The following TRIM33 variants were observed in gnomAD, a reference collection of about 807,000 sequenced individuals.
TRIM33 encodes the protein E3 ubiquitin-protein ligase TRIM33.
A neutral mutation model predicts 125.4 loss-of-function variants in TRIM33; 20 were observed. The ratio of observed to expected loss-of-function variants is 0.16; its 90% CI spans 0.11 to 0.23. TRIM33 has a LOEUF of 0.23. TRIM33 is among the 10% of genes least tolerant of loss of function. The pLI is 1.00. For missense variants in TRIM33, 920 were observed against 1,411.4 expected (o/e 0.65, Z 5.58); for synonymous variants, 564 against 513.9 (o/e 1.10, Z -1.32).
chr1:114,421,772 GAA>G (rs1289588165), intron 10 of TRIM33, 136 bp from the exon 11 acceptor site: 2 of 796,782 alleles, frequency 2.5e-6, no homozygotes, highest in Non-Finnish European at 4.0e-6. Context: ...TTCAGGAGAA[GAA>G]CAGTTCAAAC....
At chr1:114,408,854 C>A in intron 12 of TRIM33, 114 bp from the exon 13 acceptor site, 1 of 686,690 alleles carries the variant, frequency 1.5e-6, no homozygotes, top group South Asian at 1.8e-5. Context: ...TATTGGAAAT[C>A]AGACCTAGTC....
Position 114,494,013 on chromosome 1 carries a change from T to C in TRIM33, c.526+16538A>G, listed in dbSNP as rs778157361. 1.6e-4 allele frequency among the ~76,000 whole-genome samples: 24 copies of C among 152,174 alleles called. 1 individual carries two copies. Among genetic ancestry groups the C allele is most frequent in the Non-Finnish European group, 2.9e-5 (2 of 68,024 alleles). On this transcript the variant is annotated intron_variant, in intron 1 of 19. Transcript: ENST00000358465. ...CTCATTTTTCTATTTTTAGTAGAGA[T>C]GGGGTTTCACCAGGTTGGCCAGGAT...
intron 1 of TRIM33, among the ~76,000 whole-genome samples, chr1:114,475,804 T>C (rs560414172): frequency 3.3e-5 from 5 of 152,028 alleles, no homozygotes; most frequent in African/African-American, 1.2e-4. Flanking sequence ...AATAAAAGGA[T>C]CCAGCCTAGG....
intron 11 of TRIM33, among the ~76,000 whole-genome samples, chr1:114,418,847 T>C (rs1362308101): frequency 6.6e-6 from 1 of 151,968 alleles, no homozygotes; most frequent in Non-Finnish European, 1.5e-5. Flanking sequence ...CACACCCCTA[T>C]GACTGCATTC....
rs984737523 is a variant in TRIM33 at position 114,411,975 on chromosome 1, G to A, written c.2062-1659C>T. ...TTAAAAGTAAAAACACAGTCCAATA[G>A]GAAAATGAGCAAAGATATTTCACAA... On this transcript the variant is annotated intron_variant, in intron 11 of 19. Transcript: ENST00000358465. Among the ~76,000 whole-genome samples the A allele has an allele frequency of 4.6e-5, 7 of 151,982 alleles. No individual in the cohort carries two copies. In the South Asian group the frequency reaches 1.0e-3, roughly 23 times the overall value.
chr1:114,504,365 A>C (rs116844035), intron 1 of TRIM33, among the ~76,000 whole-genome samples: 1 of 152,134 alleles, frequency 6.6e-6, no homozygotes, highest in East Asian at 1.9e-4. Flanking sequence ...ACAGGGTTTC[A>C]TCATGTTACC....
rs1651413885 is a variant in TRIM33, at chr1:114,394,006, G to GA, written c.*3641dup. The GA allele has an allele frequency of 1.3e-5, 3 of 225,426 alleles. No individual in the cohort carries two copies. The highest frequency in any genetic ancestry group is 1.8e-4 in the South Asian group (1 of 5,454). 14.0% of individuals were successfully genotyped at this position (225,426 alleles called of 1,614,324 possible). ...ATCAAGGAGGAGATTAACTGTGAGG[G>GA]AAAAAAAATTAAATATCCAGGTCCG... On this transcript the variant is annotated 3_prime_UTR_variant, in exon 20 of 20. Transcript: ENST00000358465.
chr1:114,399,603 T>G lies in TRIM33; in HGVS notation c.2974A>C (p.Asn992His). ...FQEPVPASIP[N>H]YYKIIKKPMD... ...GGTTTCTTTATAATTTTATAGTAGT[T>G]TGGTATCTAAAATAAGCACATAATG... Residue 992 changes from asparagine (N) to histidine (H), a missense_variant, in exon 18 of 20, where the codon AAC becomes CAC. Asn to His is a moderately conservative substitution (Grantham distance 68). Coordinates refer to ENST00000358465, the MANE Select transcript of TRIM33 (RefSeq NM_015906.4). 2 of 1,597,344 alleles carry G rather than the reference T, an allele frequency of 1.3e-6. No individual in the cohort carries two copies. The highest frequency in any genetic ancestry group is 1.7e-6 in the Non-Finnish European group (2 of 1,171,278).
intron 10 of TRIM33, among the ~76,000 whole-genome samples, chr1:114,422,388 A>G (rs1043622812): frequency 1.3e-5 from 2 of 152,190 alleles, no homozygotes; most frequent in African/African-American, 4.8e-5. Context: ...CTTGGCCCCT[A>G]GAAATACTTG....
intron 1 of TRIM33, among the ~76,000 whole-genome samples, chr1:114,509,510 C>T (rs1653210862): frequency 6.6e-6 from 1 of 152,196 alleles, no homozygotes; most frequent in South Asian, 2.1e-4. Flanking sequence ...AGTCCTTACA[C>T]CTGGATCCCA....
At chr1:114,427,073 C>T in intron 8 of TRIM33, 104 bp downstream of exon 8, 1 of 555,494 alleles carries the variant, frequency 1.8e-6, no homozygotes, top group Non-Finnish European at 3.3e-6. Context: ...AAATGTAAAA[C>T]ATTAGTTTTA....
chr1:114,420,347 T>C, intron 11 of TRIM33: 1 of 1,270,618 alleles, frequency 7.9e-7, no homozygotes, highest in Non-Finnish European at 1.1e-6. Flanking sequence ...GACTACCCCT[T>C]TGGATCTAAC....
intron 5 of TRIM33, among the ~76,000 whole-genome samples, chr1:114,432,841 A>G (rs750245076): frequency 1.8e-4 from 27 of 152,172 alleles, no homozygotes; most frequent in Non-Finnish European, 3.1e-4. Flanking sequence ...TCATTCATTC[A>G]ATTATTTAAT....
rs763029557 is a variant in TRIM33 at position 114,402,824 on chromosome 1, C to A, written c.2828G>T (p.Cys943Phe). 6.2e-7 allele frequency: 1 copy of A among 1,614,034 alleles called. No individual in the cohort carries two copies. Among genetic ancestry groups the A allele is most frequent in the Non-Finnish European group, 8.5e-7 (1 of 1,180,018 alleles). ...CTTCTTACTATGTTGCAAATTATCA[C>A]AATCATATTCAACTTCTGGCTTTCC... ...DIGKPEVEYD[C>F]DNLQHSKKGK... Residue 943 changes from cysteine (C) to phenylalanine (F), a missense_variant, in exon 16 of 20, where the codon TGT (cysteine) becomes TTT (phenylalanine). Cys to Phe is a radical substitution (Grantham distance 205). This residue lies in a region of TRIM33 where 122 missense variants were observed against 236.8 expected (regional missense o/e 0.52). Coordinates refer to ENST00000358465, the MANE Select transcript of TRIM33 (RefSeq NM_015906.4).
At chr1:114,433,787 T>C in intron 4 of TRIM33, 54 bp from the exon 5 acceptor site, 2 of 1,182,464 alleles carry the variant, frequency 1.7e-6, no homozygotes, top group South Asian at 2.6e-5. Flanking sequence ...ATTAAGATTT[T>C]GGAAATAAAG....
intron 10 of TRIM33, among the ~76,000 whole-genome samples, 154 bp from the exon 11 acceptor site, chr1:114,421,790 C>G (rs1396701580): frequency 1.3e-5 from 2 of 152,168 alleles, no homozygotes; most frequent in Admixed American, 1.3e-4. Flanking sequence ...CAAACTCAGC[C>G]TTTTCATTTT....
chr1:114,470,764 C>T (rs2336579), intron 1 of TRIM33, among the ~76,000 whole-genome samples: 151,967 of 152,344 alleles, frequency 1, 75,796 homozygotes, highest in East Asian at 1. Flanking sequence ...AGGCCTCTTG[C>T]GCCAGTTAGC....
At chr1:114,438,847 G>A (rs960310625) in intron 4 of TRIM33, among the ~76,000 whole-genome samples, 12 of 152,310 alleles carry the variant, frequency 7.9e-5, no homozygotes, top group Admixed American at 2.6e-4. Context: ...GATTTATACT[G>A]TTAGAATTTA....
chr1:114,418,546 T>A (rs1237420396), intron 11 of TRIM33, among the ~76,000 whole-genome samples: 1 of 152,040 alleles, frequency 6.6e-6, no homozygotes, highest in Non-Finnish European at 1.5e-5. Flanking sequence ...CTTTGTAAAG[T>A]TAAAAAGAGA....
Sources: allele counts gnomAD v4.1 joint callset (sites outside exome capture counted in the v4.1 genomes callset), GRCh38; gene constraint gnomAD v4.1.1; regional missense constraint gnomAD v4.1.1; transcripts MANE v1.5; gene names NCBI Gene and HGNC (gene_info 2026-07-23, HGNC 2026-07-21).